The following CNDP1 variants were observed in gnomAD, a reference collection of about 807,000 sequenced individuals.
The protein encoded by CNDP1 is beta-Ala-His dipeptidase.
A neutral mutation model predicts 58.1 loss-of-function variants in CNDP1; 44 were observed. The observed-to-expected ratio is 0.76, with a 90% CI of 0.60 to 0.97. The LOEUF is 0.97. Among genes scored for constraint, CNDP1 ranks in the 50% least tolerant of loss-of-function variants. CNDP1 has a pLI of 0.00. For synonymous variants in CNDP1, 254 were observed against 252.6 expected (o/e 1.01, Z -0.05); for missense variants, 616 against 655.1 (o/e 0.94, Z 0.65).
At chr18:74,572,576 T>A (rs554206668) in intron 7 of CNDP1, among the ~76,000 whole-genome samples, 44 of 151,966 alleles carry the variant, frequency 2.9e-4, no homozygotes, top group African/African-American at 9.9e-4. Context: ...TCAGTTGAGC[T>A]CAGGACTTTG....
Position 74,556,344 on chromosome 18 carries a change from T to C in CNDP1, c.31T>C (p.Ser11Pro), listed in dbSNP as rs199825811. Residue 11 changes from serine (S) to proline (P), a missense_variant, in exon 2 of 12, where the codon TCC (serine) becomes CCC (proline). Physicochemically the swap from Ser to Pro is moderately conservative, Grantham distance 74. Coordinates refer to ENST00000358821, the MANE Select transcript of CNDP1 (RefSeq NM_032649.6). ...CCATGTCAAACCCTTCCAGGCTGCG[T>C]CCCTGCTGGCTGTGCTGCTGCTGCT... Reference protein sequence around the residue: MDPKLGRMAASLLAVLLLLLE... With the variant: MDPKLGRMAAPLLAVLLLLLE... 2.6e-5 allele frequency: 42 copies of C among 1,600,220 alleles called. No homozygotes were observed. Among genetic ancestry groups the C allele is most frequent in the Non-Finnish European group, 3.6e-5 (42 of 1,176,258 alleles).
chr18:74,582,669 A>G (rs1056141746), intron 10 of CNDP1, among the ~76,000 whole-genome samples: 1 of 152,234 alleles, frequency 6.6e-6, no homozygotes, highest in Admixed American at 6.5e-5. Context: ...AAGCTTCAAG[A>G]TGGTCAAGGT....
intron 1 of CNDP1, among the ~76,000 whole-genome samples, chr18:74,540,715 C>T (rs1005652395): frequency 6.6e-6 from 1 of 152,210 alleles, no homozygotes; most frequent in Non-Finnish European, 1.5e-5. Context: ...AATGCAGCTA[C>T]AGTAGCTCTG....
intron 9 of CNDP1, among the ~76,000 whole-genome samples, chr18:74,579,799 G>C (rs1981741710): frequency 6.6e-6 from 1 of 152,236 alleles, no homozygotes; most frequent in African/African-American, 2.4e-5. Context: ...CTTTCAACAA[G>C]TGATGCTCCA....
At chr18:74,552,207 C>T (rs1028800966) in intron 1 of CNDP1, among the ~76,000 whole-genome samples, 6 of 152,220 alleles carry the variant, frequency 3.9e-5, no homozygotes, top group Admixed American at 6.5e-5. Flanking sequence ...CCTCTATCTA[C>T]AGTTCTCATA....
rs62621182 is a variant in CNDP1, at chr18:74,576,973, G to C, written c.946G>C (p.Asp316His). The C allele has an allele frequency of 2.0e-5, 33 of 1,613,334 alleles. No individual in the cohort carries two copies. Among genetic ancestry groups the C allele is most frequent in the Admixed American group, 1.8e-4 (11 of 59,936 alleles). ...AAATACATACAAAGCCATCCATCTAGACCTAGAAGAATACCGGAATAGCAG... is the reference window on the plus strand; with the variant it reads ...AAATACATACAAAGCCATCCATCTACACCTAGAAGAATACCGGAATAGCAG... ...EINTYKAIHL[D>H]LEEYRNSSRV... Residue 316 changes from aspartate to histidine, a missense_variant, in exon 8 of 12, where the codon GAC becomes CAC. Coordinates refer to ENST00000358821, the MANE Select transcript of CNDP1 (RefSeq NM_032649.6).
chr18:74,544,678 C>CA lies in CNDP1; in HGVS notation c.24+9988dup, dbSNP rs374306762. ...AGGTTGCAGTGAACCAAGATCATGT[C>CA]ACTGCACTCCAGCTTGGCAGCAGAG... On this transcript the variant is annotated intron_variant, in intron 1 of 11. Coordinates refer to ENST00000358821, the MANE Select transcript of CNDP1 (RefSeq NM_032649.6). Among the ~76,000 whole-genome samples the CA allele has an allele frequency of 1.8e-3, 246 of 137,196 alleles. 2 individuals carry two copies. Among genetic ancestry groups the CA allele is most frequent in the African/African-American group, 6.1e-3 (220 of 36,212 alleles). 90.0% of individuals were successfully genotyped at this position (137,196 alleles called of 152,430 possible). A position where few individuals can be genotyped will look rare whatever the true frequency, so the allele number is the denominator to read the frequency against.
intron 1 of CNDP1, among the ~76,000 whole-genome samples, chr18:74,542,328 T>C (rs961423450): frequency 1.3e-5 from 2 of 152,218 alleles, no homozygotes; most frequent in African/African-American, 4.8e-5. Flanking sequence ...TTTATGCCTT[T>C]TAAGGTGCAC....
At position 74,578,252 on chromosome 18, in the gene CNDP1, C is replaced by T. The variant is rs1981683937; in HGVS notation, c.1092C>T (p.Val364=). 1.2e-6 allele frequency: 2 copies of T among 1,614,080 alleles called. No homozygotes were observed. The highest frequency in any genetic ancestry group is 1.7e-6 in the Non-Finnish European group (2 of 1,180,008). Residue 364 remains valine, a synonymous_variant, in exon 9 of 12, where the codon GTC becomes GTT. Transcript: ENST00000358821. ...TTGATGAGCCTGGAACTAAAACAGTCATACCTGGCCGAGTTATAGGAAAAT... is the reference window on the plus strand; with the variant it reads ...TTGATGAGCCTGGAACTAAAACAGTTATACCTGGCCGAGTTATAGGAAAAT... ...GAFDEPGTKT[V]IPGRVIGKFS... is the part of the protein sequence containing the mutation.
At chr18:74,534,748 C>T in intron 1 of CNDP1, 57 bp downstream of exon 1, 1 of 1,604,718 alleles carries the variant, frequency 6.2e-7, no homozygotes. Context: ...TTCCATTTGT[C>T]CCGGGAGCAT....
At chr18:74,564,791 A>T (rs1027907592) in intron 5 of CNDP1, among the ~76,000 whole-genome samples, 13 of 152,234 alleles carry the variant, frequency 8.5e-5, no homozygotes, top group African/African-American at 3.1e-4. Context: ...ATTCTCCTTC[A>T]CAATCGTAGT....
chr18:74,555,315 G>T (rs1018073579), intron 1 of CNDP1, among the ~76,000 whole-genome samples: 4 of 152,138 alleles, frequency 2.6e-5, no homozygotes, highest in Non-Finnish European at 5.9e-5. Context: ...GGCTTTCCTA[G>T]CCAAGAACCT....
rs775950858 is a variant in CNDP1 at position 74,567,448 on chromosome 18, C to T, written c.756+15C>T. The T allele has an allele frequency of 1.2e-6, 2 of 1,604,432 alleles. No individual in the cohort carries two copies. The highest frequency in any genetic ancestry group is 1.7e-6 in the Non-Finnish European group (2 of 1,171,158). ...TCATGGTGGAGGTATCCACAGAGAG[C>T]AGTGCATGGATGGAGGCCTGTGGGG... On this transcript the variant is annotated intron_variant, in intron 6 of 11. Transcript: ENST00000358821.
chr18:74,577,054 G>A (rs754515567), intron 8 of CNDP1, 25 bp downstream of exon 8: 3 of 1,588,940 alleles, frequency 1.9e-6, no homozygotes, highest in Non-Finnish European at 2.6e-6. Flanking sequence ...TGATGGATAA[G>A]CTGGAAGAGG....
intron 1 of CNDP1, among the ~76,000 whole-genome samples, chr18:74,537,091 TTACTC>T (rs1247723682): frequency 7.2e-5 from 11 of 152,254 alleles, no homozygotes; most frequent in Admixed American, 2.0e-4. Context: ...GGTTGTCCGT[TTACTC>T]TGTTGATAGT....
At chr18:74,584,475 C>G in intron 11 of CNDP1, 21 bp from the exon 12 acceptor site, 1 of 1,580,280 alleles carries the variant, frequency 6.3e-7, no homozygotes, top group Non-Finnish European at 8.7e-7. Context: ...CAAAATTTCT[C>G]TTTGTTTTTC....
At chr18:74,550,731 C>A (rs550759268) in intron 1 of CNDP1, among the ~76,000 whole-genome samples, 2 of 146,446 alleles carry the variant, frequency 1.4e-5, no homozygotes, top group East Asian at 3.9e-4. Flanking sequence ...CACCTGCCAC[C>A]ACGCCCGACT....
chr18:74,538,166 A>G (rs1980529412), intron 1 of CNDP1, among the ~76,000 whole-genome samples: 1 of 152,072 alleles, frequency 6.6e-6, no homozygotes, highest in African/African-American at 2.4e-5. Context: ...AGAAACCCAT[A>G]CCCTTTAGCT....
intron 1 of CNDP1, among the ~76,000 whole-genome samples, chr18:74,547,959 G>A (rs751650885): frequency 4.6e-5 from 7 of 152,086 alleles, no homozygotes; most frequent in Non-Finnish European, 8.8e-5. Flanking sequence ...CAGCAAGTGG[G>A]GTTCCCCTCA....
Sources: gnomAD v4.1 joint callset for allele counts (sites outside exome capture counted in the v4.1 genomes callset) on GRCh38, gnomAD v4.1.1 for gene constraint, MANE v1.5 for transcripts, NCBI Gene and HGNC (gene_info 2026-07-23, HGNC 2026-07-21) for gene names.